The following MACROD2 variants were observed in gnomAD, a reference collection of about 807,000 sequenced individuals.
MACROD2 encodes the protein mono-ADP ribosylhydrolase 2.
Under a neutral mutation model 70.4 loss-of-function variants are expected in MACROD2, and 36 were observed. That is an observed-to-expected ratio of 0.51 (90% CI 0.39 to 0.68). The LOEUF (loss-of-function observed/expected upper bound fraction) is 0.68, where lower values mean the gene tolerates loss of function less well. Among genes scored for constraint, MACROD2 ranks in the 30% least tolerant of loss-of-function variants. The pLI, the probability that MACROD2 is intolerant of heterozygous loss-of-function variation, is 0.00. For synonymous variants in MACROD2, 172 were observed against 178.8 expected (o/e 0.96, Z 0.30); for missense variants, 496 against 538.4 (o/e 0.92, Z 0.78).
chr20:14,720,536 CTTTTTTTTTTT>C (rs753673265), intron 5 of MACROD2, among the ~76,000 whole-genome samples: 31 of 35,944 alleles, frequency 8.6e-4, no homozygotes, highest in African/African-American at 2.6e-3. Context: ...TGCCCCACAA[CTTTTTTTTTTT>C]TTTTTTTTTT....
intron 5 of MACROD2, among the ~76,000 whole-genome samples, chr20:14,774,420 G>A (rs1228698512): frequency 2.0e-5 from 3 of 152,006 alleles, no homozygotes; most frequent in Non-Finnish European, 1.5e-5. Context: ...ATTGGGGTAA[G>A]AGAACTGTAA....
At chr20:14,492,846 C>T in intron 3 of MACROD2, among the ~76,000 whole-genome samples, 1 of 152,016 alleles carries the variant, frequency 6.6e-6, no homozygotes, top group East Asian at 1.9e-4. Flanking sequence ...AAAATTTGAC[C>T]TTGTGAAAGA....
intron 15 of MACROD2, among the ~76,000 whole-genome samples, chr20:15,998,454 A>T (rs977847941): frequency 3.3e-5 from 5 of 151,090 alleles, no homozygotes; most frequent in Non-Finnish European, 7.4e-5. Context: ...ATGTTATCCC[A>T]TTTGTTGGCA....
At chr20:14,292,537 C>G (rs2082395056) in intron 3 of MACROD2, among the ~76,000 whole-genome samples, 1 of 151,898 alleles carries the variant, frequency 6.6e-6, no homozygotes, top group Non-Finnish European at 1.5e-5. Flanking sequence ...TATGTATGCC[C>G]TGGGCTATAT....
At chr20:16,031,373 G>A (rs535253806) in intron 15 of MACROD2, among the ~76,000 whole-genome samples, 1 of 152,174 alleles carries the variant, frequency 6.6e-6, no homozygotes, top group Non-Finnish European at 1.5e-5. Flanking sequence ...TCATTATCAT[G>A]CTCTAAGTGA....
intron 4 of MACROD2, among the ~76,000 whole-genome samples, chr20:14,535,509 A>G (rs2085353665): frequency 1.4e-5 from 2 of 141,740 alleles, no homozygotes; most frequent in Non-Finnish European, 3.0e-5. Context: ...CCGTCTCAAA[A>G]AAAAAAAAAA....
intron 10 of MACROD2, among the ~76,000 whole-genome samples, chr20:15,909,064 G>A (rs2065192925): frequency 6.6e-6 from 1 of 152,198 alleles, no homozygotes; most frequent in South Asian, 2.1e-4. Flanking sequence ...AGCATTGGCT[G>A]GGGTGGCTCA....
intron 8 of MACROD2, among the ~76,000 whole-genome samples, chr20:15,808,094 C>T (rs368189541): frequency 9.2e-5 from 14 of 152,194 alleles, no homozygotes; most frequent in East Asian, 7.7e-4. Context: ...CCCTGTCACG[C>T]GGACCCCCTT....
chr20:15,513,577 C>T (rs1352695115), intron 8 of MACROD2, among the ~76,000 whole-genome samples: 1 of 151,966 alleles, frequency 6.6e-6, no homozygotes, highest in Non-Finnish European at 1.5e-5. Context: ...TGTGTGTGTG[C>T]GTGCACGTGT....
At chr20:14,222,359 A>G (rs2081683425) in intron 3 of MACROD2, among the ~76,000 whole-genome samples, 1 of 152,206 alleles carries the variant, frequency 6.6e-6, no homozygotes, top group Non-Finnish European at 1.5e-5. Flanking sequence ...ACTAGAGGCC[A>G]TTGTCTTAAG....
chr20:15,265,410 C>T (rs1449040387), intron 6 of MACROD2, among the ~76,000 whole-genome samples: 2 of 152,196 alleles, frequency 1.3e-5, no homozygotes, highest in African/African-American at 2.4e-5. Flanking sequence ...GGGTTCTGTG[C>T]ACCTCGAATT....
chr20:14,046,542 G>A (rs1267642237), intron 2 of MACROD2, among the ~76,000 whole-genome samples: 6 of 152,020 alleles, frequency 3.9e-5, no homozygotes, highest in Non-Finnish European at 8.8e-5. Context: ...TTCTACCTAT[G>A]CATACATATA....
intron 4 of MACROD2, among the ~76,000 whole-genome samples, chr20:14,637,004 A>C (rs766582007): frequency 6.6e-6 from 1 of 152,230 alleles, no homozygotes; most frequent in Non-Finnish European, 1.5e-5. Context: ...ATGATGGTAG[A>C]TAAAAATAAT....
Position 14,364,701 on chromosome 20 carries a change from T to C in MACROD2, c.272-128778T>C, listed in dbSNP as rs140032411. 5.2e-3 allele frequency among the ~76,000 whole-genome samples: 793 copies of C among 152,324 alleles called. 1 individual carries two copies. Among genetic ancestry groups the C allele is most frequent in the Non-Finnish European group, 7.2e-3 (487 of 68,030 alleles). On this transcript the variant is annotated intron_variant, in intron 3 of 17. Coordinates refer to ENST00000684519, the MANE Select transcript of MACROD2 (RefSeq NM_001351661.2). ...CAGGATATTTCACACAAATGGGAATTGTACCGTATATGACCTCTTGTATTT... is the reference window on the plus strand; with the variant it reads ...CAGGATATTTCACACAAATGGGAATCGTACCGTATATGACCTCTTGTATTT...
chr20:14,005,707 A>G (rs577438251), intron 2 of MACROD2, among the ~76,000 whole-genome samples: 19 of 152,184 alleles, frequency 1.2e-4, no homozygotes, highest in South Asian at 4.2e-4. Context: ...GCTTCAAGCA[A>G]TTCTCCTGCT....
intron 10 of MACROD2, among the ~76,000 whole-genome samples, chr20:15,899,304 GTACATATA>G (rs535661680): frequency 6.7e-4 from 101 of 151,772 alleles, no homozygotes; most frequent in Middle Eastern, 3.4e-3. Context: ...ACATATGTGT[GTACATATA>G]TACATATATA....
chr20:16,034,752 C>T (rs904372911), intron 15 of MACROD2, among the ~76,000 whole-genome samples: 1 of 151,664 alleles, frequency 6.6e-6, no homozygotes, highest in African/African-American at 2.4e-5. Context: ...GATCCTGGTG[C>T]ACCCATCACC....
At chr20:14,574,708 A>G (rs1791804397) in intron 4 of MACROD2, among the ~76,000 whole-genome samples, 1 of 151,298 alleles carries the variant, frequency 6.6e-6, no homozygotes, top group Non-Finnish European at 1.5e-5. Flanking sequence ...AATATAATAT[A>G]TCACATTTTA....
intron 9 of MACROD2, among the ~76,000 whole-genome samples, chr20:15,881,533 T>C (rs1436867046): frequency 6.6e-6 from 1 of 152,078 alleles, no homozygotes; most frequent in Non-Finnish European, 1.5e-5. Flanking sequence ...GAAAAACATC[T>C]CAGAAGTCCA....
Sources: allele counts gnomAD v4.1 joint callset (sites outside exome capture counted in the v4.1 genomes callset), GRCh38; gene constraint gnomAD v4.1.1; transcripts MANE v1.5; gene names NCBI Gene and HGNC (gene_info 2026-07-23, HGNC 2026-07-21).